Variants in TMEM71 observed in about 807,000 individuals in gnomAD.
The protein encoded by TMEM71 is transmembrane protein 71.
TMEM71 carries 44 observed loss-of-function variants against 38.0 expected under a neutral mutation model. The ratio of observed to expected loss-of-function variants is 1.16; its 90% confidence interval spans 0.91 to 1.49. TMEM71 has a LOEUF of 1.49. Ranked by LOEUF, TMEM71 falls within the 40% of genes most tolerant of loss-of-function variation. The pLI, the probability that TMEM71 is intolerant of heterozygous loss-of-function variation, is 0.00. For missense variants in TMEM71, 367 were observed against 348.6 expected, an observed-to-expected ratio of 1.05 and a Z score of -0.42; for synonymous variants, 133 against 122.5, an observed-to-expected ratio of 1.09 and a Z score of -0.56.
Position 132,714,176 on chromosome 8 carries a change from G to A in TMEM71, c.792C>T (p.Cys264=), listed in dbSNP as rs1271122061. Residue 264 remains cysteine (C), a synonymous_variant, in exon 8 of 10, where the codon TGC becomes TGT. Transcript: ENST00000677595. ...TACAAGCTACAGTTATCATCAATGA[G>A]CATGTGAAGACACTGGCTAATATTT... ...MGEILASVFT[C]SLMITVAYVK... 4 of 1,612,652 alleles carry A rather than the reference G, an allele frequency of 2.5e-6. No individual in the cohort carries two copies. Among genetic ancestry groups the A allele is most frequent in the Admixed American group, 1.7e-5 (1 of 60,004 alleles).
chr8:132,729,616 C>T (rs1298880786), intron 5 of TMEM71, among the ~76,000 whole-genome samples: 1 of 152,142 alleles, frequency 6.6e-6, no homozygotes, highest in Non-Finnish European at 1.5e-5. Context: ...GAAATATTCC[C>T]AAAGGCCAAG....
At chr8:132,763,736 G>T (rs765982506), upstream of TMEM71, among the ~76,000 whole-genome samples, 10 of 152,154 alleles carry the variant, frequency 6.6e-5, no homozygotes, top group Non-Finnish European at 1.5e-4. Context: ...TGTTGCAAAC[G>T]TTCATGTGTT....
intron 3 of TMEM71, among the ~76,000 whole-genome samples, chr8:132,755,620 G>A (rs2553608): frequency 0.68 from 103,095 of 152,016 alleles, 35,833 homozygotes; most frequent in South Asian, 0.78. Flanking sequence ...AATGTTAGAT[G>A]ATTACACACT....
At chr8:132,758,134 G>A (rs1345704312) in intron 2 of TMEM71, 4 of 152,156 alleles carry the variant, frequency 2.6e-5, no homozygotes, top group Non-Finnish European at 5.9e-5. Flanking sequence ...AAAGTATAAA[G>A]ACTGTGAGTA....
chr8:132,766,498 T>A, the TMEM71 span, among the ~76,000 whole-genome samples: 3 of 151,102 alleles, frequency 2.0e-5, no homozygotes, highest in South Asian at 2.1e-4. Context: ...CTTTTTACTT[T>A]AAAAAAAAAT....
intron 7 of TMEM71, among the ~76,000 whole-genome samples, chr8:132,717,632 T>G (rs986404675): frequency 3.3e-5 from 5 of 152,194 alleles, no homozygotes; most frequent in African/African-American, 1.2e-4. Flanking sequence ...CCTCATACAT[T>G]GCTGGTGGGG....
chr8:132,765,933 C>T, the TMEM71 span, among the ~76,000 whole-genome samples: 6 of 151,990 alleles, frequency 3.9e-5, no homozygotes, highest in African/African-American at 9.7e-5. Context: ...GGATTACAGG[C>T]ACCCGCCACC....
At chr8:132,728,733 T>C (rs1200164867) in intron 5 of TMEM71, among the ~76,000 whole-genome samples, 2 of 152,240 alleles carry the variant, frequency 1.3e-5, no homozygotes, top group Non-Finnish European at 1.5e-5. Flanking sequence ...TTTCTACTTC[T>C]GATTCATTTA....
At chr8:132,770,404 C>A in the TMEM71 span, among the ~76,000 whole-genome samples, 3 of 152,202 alleles carry the variant, frequency 2.0e-5, no homozygotes, top group Non-Finnish European at 4.4e-5. Flanking sequence ...CGCTTACCTG[C>A]CTGATAGGAA....
chr8:132,754,875 C>G (rs1828918084), intron 3 of TMEM71, among the ~76,000 whole-genome samples: 1 of 152,134 alleles, frequency 6.6e-6, no homozygotes. Context: ...GGACTATTTC[C>G]AGACATGCAC....
intron 4 of TMEM71, 55 bp downstream of exon 4, chr8:132,751,730 A>C: frequency 6.7e-7 from 1 of 1,499,360 alleles, no homozygotes. Flanking sequence ...GAATGAATAA[A>C]CAATTAATGG....
At chr8:132,759,550 A>C (rs1829216365) in intron 1 of TMEM71, 1 of 152,254 alleles carries the variant, frequency 6.6e-6, no homozygotes, top group South Asian at 2.1e-4. Flanking sequence ...ATTACTAATT[A>C]AAAACATATC....
the TMEM71 span, among the ~76,000 whole-genome samples, chr8:132,767,820 C>G: frequency 2.0e-5 from 3 of 152,108 alleles, no homozygotes; most frequent in Admixed American, 2.0e-4. Flanking sequence ...TATTGGACAA[C>G]CTGTTGCTTA....
intron 3 of TMEM71, among the ~76,000 whole-genome samples, chr8:132,752,287 T>C (rs540288700): frequency 6.6e-6 from 1 of 152,328 alleles, no homozygotes; most frequent in East Asian, 1.9e-4. Context: ...TGTTAGTCTA[T>C]TGTATTTTTT....
the TMEM71 span, among the ~76,000 whole-genome samples, chr8:132,773,202 A>G: frequency 6.6e-6 from 1 of 152,144 alleles, no homozygotes; most frequent in African/African-American, 2.4e-5. Flanking sequence ...GTCCCTTCCC[A>G]CTAAATAGTA....
intron 5 of TMEM71, among the ~76,000 whole-genome samples, chr8:132,735,609 T>G (rs1480873991): frequency 6.6e-6 from 1 of 152,216 alleles, no homozygotes; most frequent in African/African-American, 2.4e-5. Context: ...TAGAGGATAT[T>G]TGGAAACCAT....
At chr8:132,735,401 G>A (rs1490237743) in intron 5 of TMEM71, among the ~76,000 whole-genome samples, 1 of 152,162 alleles carries the variant, frequency 6.6e-6, no homozygotes, top group Non-Finnish European at 1.5e-5. Flanking sequence ...GATTTCTTCT[G>A]GAGTCTTCTA....
chr8:132,769,124 T>G, the TMEM71 span, among the ~76,000 whole-genome samples: 1 of 152,260 alleles, frequency 6.6e-6, no homozygotes, highest in Non-Finnish European at 1.5e-5. Context: ...AGTAGAATAT[T>G]TTCATTTGTC....
downstream of TMEM71, among the ~76,000 whole-genome samples, chr8:132,708,565 T>C (rs563173873): frequency 6.6e-6 from 1 of 152,292 alleles, no homozygotes; most frequent in African/African-American, 2.4e-5. Context: ...GTAAAGAAGG[T>C]GTTGTCCTGC....
Sources: gnomAD v4.1 joint callset for allele counts (sites outside exome capture counted in the v4.1 genomes callset) on GRCh38, gnomAD v4.1.1 for gene constraint, MANE v1.5 for transcripts, NCBI Gene and HGNC (gene_info 2026-07-23, HGNC 2026-07-21) for gene names.